The following LCLAT1 variants were observed in gnomAD, a reference collection of about 807,000 sequenced individuals.
The protein encoded by LCLAT1 is lysocardiolipin acyltransferase 1.
A neutral mutation model predicts 30.7 loss-of-function variants in LCLAT1; 11 were observed. That is an observed-to-expected ratio of 0.36 (90% CI 0.23 to 0.59). The LOEUF is 0.59. Among genes scored for constraint, LCLAT1 ranks in the 20% least tolerant of loss-of-function variants. The pLI is 0.77. For missense variants in LCLAT1, 402 were observed against 458.6 expected (o/e 0.88, Z 1.13); for synonymous variants, 155 against 151.3 (o/e 1.02, Z -0.18).
At chr2:30,538,769 T>C (rs1663949154) in intron 3 of LCLAT1, among the ~76,000 whole-genome samples, 1 of 151,894 alleles carries the variant, frequency 6.6e-6, no homozygotes, top group Non-Finnish European at 1.5e-5. Flanking sequence ...TGCCAGCCAA[T>C]TGGAAAACAT....
chr2:30,535,050 GA>G (rs1240033859), intron 3 of LCLAT1, among the ~76,000 whole-genome samples: 4 of 152,032 alleles, frequency 2.6e-5, no homozygotes, highest in Non-Finnish European at 5.9e-5. Context: ...GACATTAACA[GA>G]AAATGAAAAA....
intron 1 of LCLAT1, among the ~76,000 whole-genome samples, chr2:30,480,781 A>G (rs1683281028): frequency 6.6e-6 from 1 of 152,146 alleles, no homozygotes; most frequent in East Asian, 1.9e-4. Flanking sequence ...AGCTCTTTCA[A>G]AGTGTGCTGG....
chr2:30,465,366 G>T (rs1682367411), intron 1 of LCLAT1, among the ~76,000 whole-genome samples: 1 of 152,162 alleles, frequency 6.6e-6, no homozygotes, highest in African/African-American at 2.4e-5. Context: ...CTCACCTGGA[G>T]CCTTTGGAGG....
Position 30,640,102 on chromosome 2 carries a change from C to T in LCLAT1, c.629-15C>T, listed in dbSNP as rs752233989. 5 of 1,596,268 alleles carry T rather than the reference C, an allele frequency of 3.1e-6. No homozygotes were observed. The highest frequency in any genetic ancestry group is 2.2e-5 in the East Asian group (1 of 44,822). On this transcript the variant is annotated splice_polypyrimidine_tract_variant and intron_variant, in intron 5 of 5. Transcript: ENST00000379509. ...AGCACTGCTTAATCTATGTTTTCAT[C>T]TTTTCGAAACCCAGGTAAGAACCTT...
intron 3 of LCLAT1, among the ~76,000 whole-genome samples, chr2:30,539,248 C>CTT (rs72012748): frequency 0.09 from 8,133 of 90,688 alleles, 379 homozygotes; most frequent in African/African-American, 0.1. Context: ...CGCGCCAGGC[C>CTT]TTTTTTTTTT....
chr2:30,480,164 G>T (rs904281300), intron 1 of LCLAT1, among the ~76,000 whole-genome samples: 2 of 152,248 alleles, frequency 1.3e-5, no homozygotes, highest in Middle Eastern at 3.4e-3. Flanking sequence ...CCATATAAAA[G>T]TAGCAAAAGG....
At chr2:30,514,861 T>C (rs538368324) in intron 1 of LCLAT1, among the ~76,000 whole-genome samples, 2 of 152,306 alleles carry the variant, frequency 1.3e-5, no homozygotes, top group South Asian at 4.1e-4. Flanking sequence ...TTTATATACA[T>C]TTCACTTTTG....
chr2:30,553,419 A>T (rs994365202), intron 3 of LCLAT1, among the ~76,000 whole-genome samples: 1 of 152,228 alleles, frequency 6.6e-6, no homozygotes, highest in Non-Finnish European at 1.5e-5. Flanking sequence ...TAGTGGAGCT[A>T]TGCCAGTATA....
chr2:30,464,004 GTA>G (rs1682299088), intron 1 of LCLAT1, among the ~76,000 whole-genome samples: 1 of 152,272 alleles, frequency 6.6e-6, no homozygotes, highest in African/African-American at 2.4e-5. Context: ...GTGTAAAAAT[GTA>G]TATGTGTTTT....
intron 5 of LCLAT1, among the ~76,000 whole-genome samples, chr2:30,623,046 ATTTTTTTTT>A (rs34283582): frequency 3.6e-5 from 3 of 83,242 alleles, no homozygotes; most frequent in East Asian, 3.6e-4. Flanking sequence ...AATTCAAAGA[ATTTTTTTTT>A]TTTTTTTTTT....
At chr2:30,558,716 G>A (rs1024808603) in intron 3 of LCLAT1, among the ~76,000 whole-genome samples, 2 of 152,026 alleles carry the variant, frequency 1.3e-5, no homozygotes, top group African/African-American at 4.8e-5. Context: ...AAGTGTCGGG[G>A]AAAATATAGA....
At chr2:30,490,864 G>A (rs1683803522) in intron 1 of LCLAT1, among the ~76,000 whole-genome samples, 1 of 152,174 alleles carries the variant, frequency 6.6e-6, no homozygotes, top group African/African-American at 2.4e-5. Flanking sequence ...TATTTGTGAT[G>A]TGGCTAGTCA....
At chr2:30,476,392 G>A (rs1683041754) in intron 1 of LCLAT1, 1 of 456,514 alleles carries the variant, frequency 2.2e-6, no homozygotes, top group African/African-American at 2.0e-5. Flanking sequence ...AGTTTCATCT[G>A]TCTTTACAGC....
At chr2:30,471,252 C>T (rs4952127) in intron 1 of LCLAT1, among the ~76,000 whole-genome samples, 1 of 151,728 alleles carries the variant, frequency 6.6e-6, no homozygotes, top group Non-Finnish European at 1.5e-5. Flanking sequence ...CAATGTTGCC[C>T]AGGCTGGAGT....
At chr2:30,619,348 C>G (rs1271277818) in intron 5 of LCLAT1, among the ~76,000 whole-genome samples, 2 of 152,190 alleles carry the variant, frequency 1.3e-5, no homozygotes, top group Non-Finnish European at 2.9e-5. Context: ...CCATAGCATT[C>G]TCTTTTGGAT....
chr2:30,480,958 CTG>C (rs928345977), intron 1 of LCLAT1, among the ~76,000 whole-genome samples: 1 of 152,208 alleles, frequency 6.6e-6, no homozygotes, highest in African/African-American at 2.4e-5. Flanking sequence ...GCACTCAGGA[CTG>C]AGACAAAATC....
chr2:30,518,673 C>T (rs1391590555), intron 1 of LCLAT1, among the ~76,000 whole-genome samples: 2 of 152,174 alleles, frequency 1.3e-5, no homozygotes, highest in African/African-American at 4.8e-5. Context: ...CCCAGCTGTA[C>T]CTAACCCTTA....
intron 1 of LCLAT1, among the ~76,000 whole-genome samples, chr2:30,493,744 G>A (rs1437863829): frequency 6.6e-6 from 1 of 152,040 alleles, no homozygotes; most frequent in African/African-American, 2.4e-5. Context: ...AATAATGGGG[G>A]CTATCAAATC....
rs114069638 is a variant in LCLAT1, at chr2:30,516,415, G to A, written c.-4-9172G>A. Reference sequence around the variant, plus strand: ...AGGTGTCTGCTGCGCTTCTGATGCAGCAAGGCGCCCATTGCCGCTCCTGAT... The same window carrying A: ...AGGTGTCTGCTGCGCTTCTGATGCAACAAGGCGCCCATTGCCGCTCCTGAT... On this transcript the variant is annotated intron_variant, in intron 1 of 5. Transcript: ENST00000379509. Among the ~76,000 whole-genome samples the A allele has an allele frequency of 9.2e-3, 1,406 of 152,324 alleles. 19 individuals are homozygous for A. The highest frequency in any genetic ancestry group is 0.032 in the African/African-American group (1,311 of 41,578).
Sources: allele counts gnomAD v4.1 joint callset (sites outside exome capture counted in the v4.1 genomes callset), GRCh38; gene constraint gnomAD v4.1.1; transcripts MANE v1.5; gene names NCBI Gene and HGNC (gene_info 2026-07-23, HGNC 2026-07-21).